The following SGCG variants were observed in gnomAD, a reference collection of about 807,000 sequenced individuals.
The protein encoded by SGCG is gamma-sarcoglycan.
SGCG carries 26 observed loss-of-function variants against 29.3 expected under a neutral mutation model. The observed-to-expected ratio is 0.89, with a 90% CI of 0.65 to 1.23. The LOEUF (loss-of-function observed/expected upper bound fraction) is 1.23. SGCG is among the 50% of genes most tolerant of loss of function. SGCG has a pLI of 0.00. For missense variants in SGCG, 353 were observed against 356.0 expected (o/e 0.99, Z 0.07); for synonymous variants, 145 against 129.7 (o/e 1.12, Z -0.80).
In SGCG at chr13:23,219,756, T is replaced by A. The variant is rs1366846624; in HGVS notation, c.196-14855T>A. On this transcript the variant is annotated intron_variant, in intron 2 of 7. Coordinates refer to ENST00000218867, the MANE Select transcript of SGCG (RefSeq NM_000231.3). ...CATAAACATACACAATTATTATTTT[T>A]TTTTTTTGAGATGGAGTCTGGCTCT... 3.3e-3 allele frequency among the ~76,000 whole-genome samples: 501 copies of A among 152,008 alleles called. 2 individuals are homozygous for A. The highest frequency in any genetic ancestry group is 0.011 in the African/African-American group (472 of 41,510).
intron 1 of SGCG, among the ~76,000 whole-genome samples, chr13:23,184,173 A>G (rs1261875177): frequency 1.3e-5 from 2 of 152,354 alleles, no homozygotes; most frequent in East Asian, 1.9e-4. Context: ...CTGCCAGGCC[A>G]TAGGAAAAAC....
At chr13:23,229,838 T>G (rs73168667) in intron 2 of SGCG, among the ~76,000 whole-genome samples, 5,980 of 152,324 alleles carry the variant, frequency 0.039, 170 homozygotes, top group Non-Finnish European at 0.061. Context: ...TTTTGCTGTT[T>G]TCATCATGAA....
rs568922236 is a variant in SGCG at position 23,184,284 on chromosome 13, T to C, written c.-1+3209T>C. Among the ~76,000 whole-genome samples, 306 of 152,336 alleles carry C rather than the reference T, an allele frequency of 2.0e-3. 1 individual carries two copies. Among genetic ancestry groups the C allele is most frequent in the African/African-American group, 7.1e-3 (295 of 41,584 alleles). On this transcript the variant is annotated intron_variant, in intron 1 of 7. Coordinates refer to ENST00000218867, the MANE Select transcript of SGCG (RefSeq NM_000231.3). ...TTGATACATTGAAATAACTTCCTTT[T>C]CTTAAAATTTTAATTTAATATTGTG...
At chr13:23,312,767 T>A (rs182430962) in intron 6 of SGCG, among the ~76,000 whole-genome samples, 13 of 152,260 alleles carry the variant, frequency 8.5e-5, no homozygotes, top group Admixed American at 2.0e-4. Context: ...TAAACTGTAC[T>A]GATAAATATG....
At chr13:23,246,097 A>AGC in intron 3 of SGCG, 1 of 113,648 alleles carries the variant, frequency 8.8e-6, no homozygotes, top group Non-Finnish European at 1.9e-5. Flanking sequence ...CAGCAGCAGC[A>AGC]ACAACAACAT....
rs74434173 is a variant in SGCG, at chr13:23,306,416, T to G, written c.578+10929T>G. 6.9e-3 allele frequency among the ~76,000 whole-genome samples: 1,050 copies of G among 152,318 alleles called. 14 individuals are homozygous for G. The highest frequency in any genetic ancestry group is 0.024 in the African/African-American group (1,015 of 41,566). On this transcript the variant is annotated intron_variant, in intron 6 of 7. Transcript: ENST00000218867. The stretch of plus-strand genomic sequence containing the variant: ...CTTTCTAACTTTAATGGGAGTTGAT[T>G]TTGGCCAACTGTATTTCCCTAGGAA...
chr13:23,202,430 T>C (rs1365415289), intron 1 of SGCG, among the ~76,000 whole-genome samples: 4 of 152,148 alleles, frequency 2.6e-5, no homozygotes, highest in African/African-American at 9.7e-5. Flanking sequence ...ATTTCAGATA[T>C]ATATGGAAGG....
chr13:23,257,407 C>A (rs990884163), intron 4 of SGCG, among the ~76,000 whole-genome samples: 2 of 152,024 alleles, frequency 1.3e-5, no homozygotes, highest in Non-Finnish European at 2.9e-5. Flanking sequence ...CTATCCCTAC[C>A]CCATTCCCCC....
chr13:23,200,456 T>G (rs868539161), intron 1 of SGCG, among the ~76,000 whole-genome samples: 1 of 152,104 alleles, frequency 6.6e-6, no homozygotes, highest in South Asian at 2.1e-4. Context: ...AAACTGGGAA[T>G]TTTTCCTTTC....
At chr13:23,227,315 GA>G (rs11330528) in intron 2 of SGCG, among the ~76,000 whole-genome samples, 57,335 of 128,690 alleles carry the variant, frequency 0.45, 11,228 homozygotes, top group East Asian at 0.59. Context: ...TTAAGAATGG[GA>G]AAAAAAAAAA....
chr13:23,216,118 T>G (rs1035816988), intron 2 of SGCG, among the ~76,000 whole-genome samples: 4 of 152,112 alleles, frequency 2.6e-5, no homozygotes, highest in East Asian at 1.9e-4. Context: ...CCTAAAACTC[T>G]CTCAAGATGC....
At chr13:23,217,360 A>G (rs978689856) in intron 2 of SGCG, 2 of 151,944 alleles carry the variant, frequency 1.3e-5, no homozygotes, top group African/African-American at 4.8e-5. Context: ...CATTGTTTTC[A>G]TATATATATG....
intron 1 of SGCG, among the ~76,000 whole-genome samples, chr13:23,184,019 C>T (rs1876863190): frequency 6.6e-6 from 1 of 152,220 alleles, no homozygotes; most frequent in African/African-American, 2.4e-5. Context: ...AGTGTGTTGT[C>T]TCCATACTGG....
chr13:23,225,271 C>T (rs1021302354), intron 2 of SGCG, among the ~76,000 whole-genome samples: 11 of 152,158 alleles, frequency 7.2e-5, no homozygotes, highest in African/African-American at 2.7e-4. Flanking sequence ...CATTAAGGGT[C>T]CTGAAATTGA....
intron 6 of SGCG, among the ~76,000 whole-genome samples, chr13:23,312,758 A>T (rs1022688515): frequency 4.6e-5 from 7 of 152,188 alleles, no homozygotes; most frequent in African/African-American, 1.4e-4. Flanking sequence ...ACATATTTTT[A>T]AACTGTACTG....
At chr13:23,207,080 A>G (rs1011765438) in intron 2 of SGCG, among the ~76,000 whole-genome samples, 1 of 152,248 alleles carries the variant, frequency 6.6e-6, no homozygotes, top group African/African-American at 2.4e-5. Context: ...TTTCAAAGCT[A>G]TCGTAATTTA....
upstream of SGCG, among the ~76,000 whole-genome samples, chr13:23,177,899 T>C (rs1457152771): frequency 6.6e-6 from 1 of 151,810 alleles, no homozygotes; most frequent in Non-Finnish European, 1.5e-5. Flanking sequence ...CTTTTAAAAG[T>C]TAAATTATAG....
intron 7 of SGCG, among the ~76,000 whole-genome samples, chr13:23,324,063 C>G (rs761245308): frequency 1.3e-5 from 2 of 152,122 alleles, no homozygotes; most frequent in African/African-American, 2.4e-5. Context: ...GAAACAAAAA[C>G]AAACTGTAAA....
chr13:23,184,159 T>C (rs558657520), intron 1 of SGCG, among the ~76,000 whole-genome samples: 36 of 152,340 alleles, frequency 2.4e-4, no homozygotes, highest in African/African-American at 8.7e-4. Flanking sequence ...ACTTTTTAAA[T>C]GAACTGCCAG....
Sources: allele counts gnomAD v4.1 joint callset (sites outside exome capture counted in the v4.1 genomes callset), GRCh38; gene constraint gnomAD v4.1.1; transcripts MANE v1.5; gene names NCBI Gene and HGNC (gene_info 2026-07-23, HGNC 2026-07-21).